LTF: variants seen among roughly 807,000 people sequenced by gnomAD.
LTF encodes epididymis luminal protein 110.
LTF carries 91 observed loss-of-function variants against 87.2 expected under a neutral mutation model. The ratio of observed to expected loss-of-function variants is 1.04; its 90% confidence interval spans 0.88 to 1.24. The LOEUF (loss-of-function observed/expected upper bound fraction) is 1.24, where lower values mean the gene tolerates loss of function less well. Ranked by LOEUF, LTF falls within the 50% of genes most tolerant of loss-of-function variation. LTF has a pLI of 0.00. For missense variants in LTF, 901 were observed against 904.3 expected, an observed-to-expected ratio of 1.00 and a Z score of 0.05; for synonymous variants, 378 against 356.1, an observed-to-expected ratio of 1.06 and a Z score of -0.69.
At position 46,435,946 on chromosome 3, in the gene LTF, G is replaced by A; in HGVS notation, c.*249C>T. 1.8e-6 allele frequency: 1 copy of A among 544,488 alleles called. No homozygotes were observed. The highest frequency in any genetic ancestry group is 3.3e-6 in the Non-Finnish European group (1 of 304,380). The allele number at this position is 544,488 out of a possible 1,614,324, so 33.7% of individuals were successfully genotyped here. On this transcript the variant is annotated 3_prime_UTR_variant, in exon 17 of 17. Transcript: ENST00000231751. ...TGGAAGGGAAGGTCCAACTGTACAG[G>A]TATTTTGTCAGGCATGTGATTTCAG...
chr3:46,467,644 C>CTTTTTTTTTT (rs5848801), upstream of LTF, among the ~76,000 whole-genome samples: 3 of 123,042 alleles, frequency 2.4e-5, no homozygotes, highest in Non-Finnish European at 3.4e-5. Flanking sequence ...CTTTTCTTTT[C>CTTTTTTTTTT]TTTTTTTTTT....
chr3:46,465,065 G>C (rs1044159164), upstream of LTF: 5 of 612,958 alleles, frequency 8.2e-6, no homozygotes, highest in Non-Finnish European at 1.5e-5. Context: ...TCCACACCGC[G>C]CTGCGAGAGG....
chr3:46,445,497 C>G, intron 11 of LTF, 61 bp from the exon 12 acceptor site: 5 of 1,502,540 alleles, frequency 3.3e-6, no homozygotes, highest in Non-Finnish European at 3.6e-6. Context: ...CACATGGATT[C>G]CAGTGGAGCT....
chr3:46,443,815 G>C (rs1489187836), intron 12 of LTF, among the ~76,000 whole-genome samples: 2 of 152,214 alleles, frequency 1.3e-5, no homozygotes, highest in Admixed American at 1.3e-4. Context: ...CTGGGGATGA[G>C]AGCTGTGGCT....
chr3:46,450,604 A>C lies in LTF; in HGVS notation c.773T>G (p.Val258Gly). The change falls in exon 7 of 17, where the codon GTG (valine) becomes GGG (glycine). Residue 258 changes from valine (V) to glycine (G), a missense_variant. Val to Gly is a moderately radical substitution (Grantham distance 109). Coordinates refer to ENST00000231751, the MANE Select transcript of LTF (RefSeq NM_002343.6). ...LLCPDNTRKP[V>G]DKFKDCHLAR... ...CAGATGGCAGTCTTTGAACTTGTCC[A>C]CTGGCTTCCGAGTGTTGTCTGGGCA... is the stretch of plus-strand genomic sequence containing the variant. 6.2e-7 allele frequency: 1 copy of C among 1,614,114 alleles called. No homozygotes were observed. Among genetic ancestry groups the C allele is most frequent in the Non-Finnish European group, 8.5e-7 (1 of 1,180,016 alleles).
intron 6 of LTF, among the ~76,000 whole-genome samples, chr3:46,453,175 A>G (rs1702843040): frequency 6.6e-6 from 1 of 152,272 alleles, no homozygotes; most frequent in Non-Finnish European, 1.5e-5. Flanking sequence ...CAAATGTCAC[A>G]AAATAAGAAA....
At position 46,473,781 on chromosome 3, in the gene LTF, A is replaced by C. The variant is rs180949493; in HGVS notation, c.-319-3315T>G. ...ACCATCCAGAGAACGTCCCCATCTCAAGATCTTAATAACATCTGCAAAGTC... is the reference window on the plus strand; with the variant it reads ...ACCATCCAGAGAACGTCCCCATCTCCAGATCTTAATAACATCTGCAAAGTC... On this transcript the variant is annotated intron_variant, in intron 1 of 19. Transcript: ENST00000443496. Among the ~76,000 whole-genome samples, 7 of 152,282 alleles carry C rather than the reference A, an allele frequency of 4.6e-5. No individual in the cohort carries two copies. The South Asian group carries it at 6.2e-4, about 14-fold the overall frequency.
rs763942829 is a variant in LTF at position 46,450,033 on chromosome 3, T to C, written c.883-5A>G. 1.9e-6 allele frequency: 3 copies of C among 1,574,360 alleles called. No individual in the cohort carries two copies. The highest frequency in any genetic ancestry group is 2.6e-6 in the Non-Finnish European group (3 of 1,164,216). ...CTTGTCCTTTCCAAACTTTTCCTAA[T>C]TAAGAAAAAATAGAATTATGGTGTC... On this transcript the variant is annotated splice_region_variant and splice_polypyrimidine_tract_variant and intron_variant, in intron 7 of 16. Coordinates refer to ENST00000231751, the MANE Select transcript of LTF (RefSeq NM_002343.6).
chr3:46,464,771 A>C, intron 1 of LTF, 54 bp downstream of exon 1: 1 of 1,589,562 alleles, frequency 6.3e-7, no homozygotes, highest in Non-Finnish European at 8.6e-7. Context: ...CCTAGCAGAC[A>C]GGGCGCAGGA....
At chr3:46,456,506 G>C in intron 2 of LTF, 108 bp from the exon 3 acceptor site, 1 of 782,302 alleles carries the variant, frequency 1.3e-6, no homozygotes, top group South Asian at 1.6e-5. Flanking sequence ...TCGTCAAAGG[G>C]GTCCGCTTTC....
intron 4 of LTF, 107 bp from the exon 5 acceptor site, chr3:46,455,549 C>T (rs897646506): frequency 7.3e-7 from 1 of 1,376,440 alleles, no homozygotes; most frequent in South Asian, 1.3e-5. Flanking sequence ...TCCTCCACCC[C>T]TGCAGGAGAG....
upstream of LTF, among the ~76,000 whole-genome samples, chr3:46,469,146 G>A (rs1274303399): frequency 6.6e-6 from 1 of 152,240 alleles, no homozygotes; most frequent in South Asian, 2.1e-4. Context: ...GACTCTGTGA[G>A]TTAAGACAGT....
Position 46,439,323 on chromosome 3 carries a change from G to A in LTF, c.1881C>T (p.Arg627=), listed in dbSNP as rs1419994176. 1.2e-6 allele frequency: 2 copies of A among 1,613,566 alleles called. No homozygotes were observed. The highest frequency in any genetic ancestry group is 2.2e-5 in the East Asian group (1 of 44,868). Residue 627 remains arginine, a synonymous_variant, in exon 15 of 17, where the codon CGC becomes CGT. Coordinates refer to ENST00000231751, the MANE Select transcript of LTF (RefSeq NM_002343.6). ...GTTGGTGGAGCAACACCTGTTTCAG[G>A]CGTTCCACCTTATCCATCCGAGACA... The part of the protein sequence containing the change: ...AVVSRMDKVE[R]LKQVLLHQQA...
chr3:46,469,434 G>T (rs755031549), upstream of LTF: 1 of 152,276 alleles, frequency 6.6e-6, no homozygotes, highest in African/African-American at 2.4e-5. Flanking sequence ...ATACCAAAAG[G>T]TGCTTGTTAT....
chr3:46,438,354 C>T (rs1398190941), intron 15 of LTF, among the ~76,000 whole-genome samples: 2 of 152,206 alleles, frequency 1.3e-5, no homozygotes, highest in Non-Finnish European at 2.9e-5. Context: ...ACTTCTGGTC[C>T]TACCTCCTAC....
rs1364917131 is a variant in LTF at position 46,455,906 on chromosome 3, C to A, written c.389G>T (p.Gly130Val). ...AAGGCCTGTGTGGCAGGACTTCAGA[C>A]CTTGCAGTTCGTTCAGCTGAAAGCT... The part of the protein sequence containing the change: ...GGSFQLNELQ[G>V]LKSCHTGLRR... Residue 130 changes from glycine (G) to valine (V), a missense_variant, in exon 4 of 17, where the codon GGT becomes GTT. Gly to Val is a moderately radical substitution (Grantham distance 109). Transcript: ENST00000231751. 3 of 1,613,652 alleles carry A rather than the reference C, an allele frequency of 1.9e-6. No individual in the cohort carries two copies. The highest frequency in any genetic ancestry group is 2.5e-6 in the Non-Finnish European group (3 of 1,179,864).
At position 46,456,354 on chromosome 3, in the gene LTF, G is replaced by A. The variant is rs764620350; in HGVS notation, c.252C>T (p.Tyr84=). The part of the protein sequence containing the change: ...DAVTLDGGFI[Y]EAGLAPYKLR... Reference sequence around the variant, plus strand: ...GTTTGTAGGGGGCCAGGCCTGCCTCGTATATGAAACCACCATCAAGGGTCA... The same window carrying A: ...GTTTGTAGGGGGCCAGGCCTGCCTCATATATGAAACCACCATCAAGGGTCA... The change falls in exon 3 of 17, where the codon TAC becomes TAT. Residue 84 remains tyrosine, a synonymous_variant. Transcript: ENST00000231751. 1.9e-5 allele frequency: 31 copies of A among 1,614,060 alleles called. No individual in the cohort carries two copies. The highest frequency in any genetic ancestry group is 1.6e-4 in the Middle Eastern group (1 of 6,084).
chr3:46,466,723 T>C (rs1328560324), upstream of LTF, among the ~76,000 whole-genome samples: 1 of 152,208 alleles, frequency 6.6e-6, no homozygotes, highest in Non-Finnish European at 1.5e-5. Flanking sequence ...CATTTAAAGT[T>C]GCCATCATCA....
At chr3:46,480,022 G>C (rs988301903) in intron 1 of LTF, among the ~76,000 whole-genome samples, 1 of 152,134 alleles carries the variant, frequency 6.6e-6, no homozygotes, top group African/African-American at 2.4e-5. Context: ...AACTGAGATG[G>C]GGAAGACTGG....
Sources: gnomAD v4.1 joint callset for allele counts (sites outside exome capture counted in the v4.1 genomes callset) on GRCh38, gnomAD v4.1.1 for gene constraint, MANE v1.5 for transcripts, NCBI Gene and HGNC (gene_info 2026-07-23, HGNC 2026-07-21) for gene names.